Variants in MYO9A observed in about 807,000 individuals in gnomAD.
The protein encoded by MYO9A is myosin IXA.
A neutral mutation model predicts 293.3 loss-of-function variants in MYO9A; 103 were observed. The ratio of observed to expected loss-of-function variants is 0.35; its 90% CI spans 0.30 to 0.41. The LOEUF is 0.41. Among genes scored for constraint, MYO9A ranks in the 10% least tolerant of loss-of-function variants. MYO9A has a pLI of 1.00. For missense variants in MYO9A, 2,685 were observed against 3,033.0 expected (o/e 0.89, Z 2.69); for synonymous variants, 1,001 against 1,035.7 (o/e 0.97, Z 0.64).
intron 1 of MYO9A, among the ~76,000 whole-genome samples, chr15:72,072,771 T>A (rs7164646): frequency 1.3e-5 from 2 of 151,874 alleles, no homozygotes; most frequent in African/African-American, 4.8e-5. Context: ...GGAGGGAAAG[T>A]CTGAAAAACT....
intron 25 of MYO9A, chr15:71,897,244 A>C: frequency 1.9e-6 from 1 of 536,192 alleles, no homozygotes. Flanking sequence ...GGAACCCAGT[A>C]TTTACTCTGC....
In MYO9A at chr15:71,851,330, A is replaced by T. The variant is rs1314111924; in HGVS notation, c.6504T>A (p.Arg2168=). 1 of 1,613,834 alleles carries T rather than the reference A, an allele frequency of 6.2e-7. No homozygotes were observed. The highest frequency in any genetic ancestry group is 1.1e-5 in the South Asian group (1 of 91,002). The part of the protein sequence containing the change: ...MGLQERKETI[R]GVYSVIDQLS... ...GTTGATCAATCACAGAGTATACACCACGGATTGTCTCCTTCCTCTCCTGAA... is the reference window on the plus strand; with the variant it reads ...GTTGATCAATCACAGAGTATACACCTCGGATTGTCTCCTTCCTCTCCTGAA... The change falls in exon 37 of 42, where the codon CGT becomes CGA. Residue 2168 remains arginine (R), a synonymous_variant. Coordinates refer to ENST00000356056, the MANE Select transcript of MYO9A (RefSeq NM_006901.4).
At chr15:72,109,076 A>G (rs2080680726) in intron 1 of MYO9A, among the ~76,000 whole-genome samples, 1 of 152,052 alleles carries the variant, frequency 6.6e-6, no homozygotes, top group African/African-American at 2.4e-5. Context: ...ACTTACTTTC[A>G]AAAGGTTCTG....
chr15:72,084,659 C>T (rs897036415), intron 1 of MYO9A, among the ~76,000 whole-genome samples: 15 of 152,258 alleles, frequency 9.9e-5, no homozygotes, highest in East Asian at 1.9e-4. Context: ...ACACGTCTGA[C>T]GGTATCAAAT....
At chr15:71,839,715 C>T (rs983414316) in intron 39 of MYO9A, among the ~76,000 whole-genome samples, 5 of 152,192 alleles carry the variant, frequency 3.3e-5, no homozygotes, top group East Asian at 1.9e-4. Context: ...TGGCCTGAAT[C>T]GGCTTTTTTT....
intron 36 of MYO9A, 53 bp downstream of exon 36, chr15:71,852,079 C>T (rs1387964332): frequency 3.3e-6 from 5 of 1,531,934 alleles, no homozygotes; most frequent in African/African-American, 2.8e-5. Flanking sequence ...CTCAAGATGG[C>T]ATTTCTTTCC....
chr15:71,951,172 C>T (rs1261101005), intron 15 of MYO9A, among the ~76,000 whole-genome samples: 3 of 152,164 alleles, frequency 2.0e-5, no homozygotes, highest in African/African-American at 7.2e-5. Flanking sequence ...GAAAGGCTGG[C>T]TGAAGCACTG....
chr15:71,886,266 T>C (rs1437906506), intron 27 of MYO9A, among the ~76,000 whole-genome samples: 1 of 151,348 alleles, frequency 6.6e-6, no homozygotes, highest in African/African-American at 2.4e-5. Context: ...TGCTAAAGTA[T>C]GGTCTTCCTT....
rs61030744 is a variant in MYO9A at position 71,860,969 on chromosome 15, C to CAAAAAAAAAAAAAAAAAAAAAAA, written c.6092-1196_6092-1174dup. Among the ~76,000 whole-genome samples the CAAAAAAAAAAAAAAAAAAAAAAA allele has an allele frequency of 8.6e-4, 28 of 32,420 alleles. 2 individuals are homozygous for CAAAAAAAAAAAAAAAAAAAAAAA. The highest frequency in any genetic ancestry group is 1.4e-3 in the African/African-American group (13 of 9,028). 21.3% of individuals were successfully genotyped at this position (32,420 alleles called of 152,430 possible). A position where few individuals can be genotyped will look rare whatever the true frequency, so the allele number is the denominator to read the frequency against. On this transcript the variant is annotated intron_variant, in intron 33 of 41. Coordinates refer to ENST00000356056, the MANE Select transcript of MYO9A (RefSeq NM_006901.4). ...GCAACAAAGTTAGACTCCATCTCAC[C>CAAAAAAAAAAAAAAAAAAAAAAA]AAAAAAAAAAAAAAAAAAAAAAAAA...
intron 34 of MYO9A, among the ~76,000 whole-genome samples, chr15:71,854,912 A>G (rs1373136502): frequency 6.6e-6 from 1 of 152,220 alleles, no homozygotes; most frequent in Non-Finnish European, 1.5e-5. Flanking sequence ...CACCTACCAG[A>G]TACCACTAGA....
chr15:71,983,948 G>A (rs1436840984), intron 11 of MYO9A, among the ~76,000 whole-genome samples: 2 of 152,138 alleles, frequency 1.3e-5, no homozygotes, highest in Non-Finnish European at 2.9e-5. Context: ...TGGTTTTAAG[G>A]AAAATATGCC....
At position 71,850,765 on chromosome 15, in the gene MYO9A, CAAAAAAAAAAAAAAAAA is replaced by C. The variant is rs780727961; in HGVS notation, c.6581+471_6581+487del. 1.1e-3 allele frequency among the ~76,000 whole-genome samples: 50 copies of C among 44,122 alleles called. No individual in the cohort carries two copies. The East Asian group carries it at 0.012, about 11-fold the overall frequency. The allele number at this position is 44,122 out of a possible 152,430, so 28.9% of individuals were successfully genotyped here. A position where few individuals can be genotyped will look rare whatever the true frequency, so the allele number is the denominator to read the frequency against. On this transcript the variant is annotated intron_variant, in intron 37 of 41. Transcript: ENST00000356056. ...TGGGTGACAGACTGAAACTGTGTCT[CAAAAAAAAAAAAAAAAA>C]AAAAAAAAAAAAAAAAAAAGAATGC...
At chr15:71,974,565 T>C (rs2076090686) in intron 12 of MYO9A, among the ~76,000 whole-genome samples, 1 of 152,208 alleles carries the variant, frequency 6.6e-6, no homozygotes, top group Admixed American at 6.5e-5. Context: ...GCAGTGGTCC[T>C]AGGACAAGGG....
At chr15:71,923,249 T>C (rs1310600490) in intron 18 of MYO9A, among the ~76,000 whole-genome samples, 1 of 152,244 alleles carries the variant, frequency 6.6e-6, no homozygotes, top group Admixed American at 6.5e-5. Flanking sequence ...GTTATCTTTT[T>C]AATGTGCTAT....
At chr15:71,955,409 G>A (rs988963725) in intron 14 of MYO9A, among the ~76,000 whole-genome samples, 7 of 152,184 alleles carry the variant, frequency 4.6e-5, no homozygotes, top group African/African-American at 1.7e-4. Flanking sequence ...GATTACAGGC[G>A]TGAGCCACTG....
chr15:72,116,283 A>G (rs2080974004), intron 1 of MYO9A, among the ~76,000 whole-genome samples: 1 of 152,118 alleles, frequency 6.6e-6, no homozygotes, highest in Non-Finnish European at 1.5e-5. Flanking sequence ...TTACTTTAAC[A>G]TTTTTTACTG....
chr15:72,117,429 T>G (rs2081031109), intron 1 of MYO9A, among the ~76,000 whole-genome samples: 1 of 146,360 alleles, frequency 6.8e-6, no homozygotes, highest in Non-Finnish European at 1.5e-5. Context: ...TCTGCTGGGT[T>G]GGGGGGACCG....
chr15:71,984,477 T>C (rs1189142738), intron 11 of MYO9A, among the ~76,000 whole-genome samples: 1 of 152,222 alleles, frequency 6.6e-6, no homozygotes, highest in Non-Finnish European at 1.5e-5. Flanking sequence ...GTTTGTTTTT[T>C]TGTTTTGACA....
At chr15:71,889,740 T>A (rs186013544) in intron 26 of MYO9A, 1 of 152,154 alleles carries the variant, frequency 6.6e-6, no homozygotes, top group Admixed American at 6.5e-5. Context: ...AAAGACTGAT[T>A]TCCCTAGAAG....
Sources: gnomAD v4.1 joint callset for allele counts (sites outside exome capture counted in the v4.1 genomes callset) on GRCh38, gnomAD v4.1.1 for gene constraint, MANE v1.5 for transcripts, NCBI Gene and HGNC (gene_info 2026-07-23, HGNC 2026-07-21) for gene names.